Variants in OSBPL10 observed in about 807,000 individuals in gnomAD.
OSBPL10 encodes the protein oxysterol-binding protein-related protein 10.
In OSBPL10, 49 loss-of-function variants were observed where a neutral mutation model predicts 81.7. The observed-to-expected ratio is 0.60, with a 90% CI of 0.48 to 0.76. The LOEUF is 0.76. Ranked by LOEUF, OSBPL10 falls within the 30% of genes least tolerant of loss-of-function variation. OSBPL10 has a pLI of 0.00. For synonymous variants in OSBPL10, 419 were observed against 383.6 expected (o/e 1.09, Z -1.08); for missense variants, 923 against 987.8 (o/e 0.93, Z 0.88).
In OSBPL10 at chr3:32,026,057, T is replaced by TAGATAGATGATTGATA. The variant is rs58717718; in HGVS notation, n.298+20433_298+20434insTATCAATCATCTATCT. ...ATAGATAGATAGATAGATAGATAGA[T>TAGATAGATGATTGATA]GATAGATAGATAGATAGATAGATAG... On this transcript the variant is annotated intron_variant and non_coding_transcript_variant, in intron 2 of 3. Coordinates refer to the OSBPL10 transcript ENST00000479173. 1.2e-3 allele frequency among the ~76,000 whole-genome samples: 134 copies of TAGATAGATGATTGATA among 111,340 alleles called. No homozygotes were observed. The East Asian group carries it at 0.021, about 17-fold the overall frequency. 73.0% of individuals were successfully genotyped at this position (111,340 alleles called of 152,430 possible).
chr3:31,803,668 T>C lies in OSBPL10; in HGVS notation c.729+26372A>G, dbSNP rs1356950997. On this transcript the variant is annotated intron_variant, in intron 4 of 11. Transcript: ENST00000396556. ...CAGACCTTGTTTTCAGTTTTCCCAC[T>C]AATAGCTTTTTTTTCTGGTCCAAGA... Among the ~76,000 whole-genome samples the C allele has an allele frequency of 3.3e-5, 5 of 152,194 alleles. No individual in the cohort carries two copies. In the East Asian group the frequency reaches 9.6e-4, roughly 29 times the overall value.
chr3:31,722,534 T>C (rs1018955079), intron 6 of OSBPL10, among the ~76,000 whole-genome samples: 16 of 152,178 alleles, frequency 1.1e-4, no homozygotes, highest in Non-Finnish European at 2.2e-4. Flanking sequence ...AAAAGCCAGG[T>C]AAACATAAGT....
At chr3:31,911,607 G>A (rs1278325222) in intron 1 of OSBPL10, among the ~76,000 whole-genome samples, 1 of 150,854 alleles carries the variant, frequency 6.6e-6, no homozygotes, top group Non-Finnish European at 1.5e-5. Flanking sequence ...AATAGCTGAT[G>A]GACTTTAAAA....
intron 2 of OSBPL10, among the ~76,000 whole-genome samples, chr3:31,878,815 ATGTGTGTGTGTG>A (rs59233088): frequency 1.3e-3 from 183 of 136,438 alleles, no homozygotes; most frequent in Middle Eastern, 3.7e-3. Flanking sequence ...CTGCGTGTCC[ATGTGTGTGTGTG>A]TGTGTGTGTG....
intron 3 of OSBPL10, among the ~76,000 whole-genome samples, chr3:31,858,734 T>C (rs1455598015): frequency 6.6e-6 from 1 of 152,202 alleles, no homozygotes; most frequent in Non-Finnish European, 1.5e-5. Context: ...CAAAACCAGA[T>C]GCACAATGTG....
intron 5 of OSBPL10, among the ~76,000 whole-genome samples, chr3:31,746,094 C>T (rs758618121): frequency 9.9e-5 from 15 of 152,216 alleles, no homozygotes; most frequent in Non-Finnish European, 1.6e-4. Context: ...TTACCTTTAT[C>T]TTAATCTTCA....
In OSBPL10 at chr3:32,065,944, G is replaced by GAAGAAAGAAAGA. The variant is rs774799990; in HGVS notation, n.185+11440_185+11451dup. Among the ~76,000 whole-genome samples the GAAGAAAGAAAGA allele has an allele frequency of 5.9e-3, 211 of 35,924 alleles. 31 individuals are homozygous for GAAGAAAGAAAGA. Among genetic ancestry groups the GAAGAAAGAAAGA allele is most frequent in the Middle Eastern group, 0.015 (1 of 68 alleles). The allele number at this position is 35,924 out of a possible 152,430, so 23.6% of individuals were successfully genotyped here. A position where few individuals can be genotyped will look rare whatever the true frequency, so the allele number is the denominator to read the frequency against. On this transcript the variant is annotated intron_variant and non_coding_transcript_variant, in intron 1 of 3. Coordinates refer to the OSBPL10 transcript ENST00000479173. ...AAGAAAGAAAGAAGGAAAGAAGAAA[G>GAAGAAAGAAAGA]AAGAAAGAAAGAAAGAAAGAAAGAA...
At chr3:31,663,001 T>C in intron 11 of OSBPL10, 1 of 985,434 alleles carries the variant, frequency 1.0e-6, no homozygotes, top group East Asian at 1.1e-4. Flanking sequence ...GAAATCTCCT[T>C]CAGTCCACAG....
intron 1 of OSBPL10, among the ~76,000 whole-genome samples, chr3:31,903,960 A>G (rs1696330819): frequency 6.6e-6 from 1 of 152,156 alleles, no homozygotes; most frequent in African/African-American, 2.4e-5. Context: ...GTTTCCAGGA[A>G]TCACCTCCTC....
intron 1 of OSBPL10, among the ~76,000 whole-genome samples, chr3:31,965,459 T>G (rs796492070): frequency 0.031 from 2,164 of 69,874 alleles, 178 homozygotes; most frequent in East Asian, 0.19. Context: ...TAATATATAA[T>G]TTATATAATA....
intron 7 of OSBPL10, among the ~76,000 whole-genome samples, chr3:31,684,597 C>A (rs1700743978): frequency 6.6e-6 from 1 of 152,150 alleles, no homozygotes; most frequent in South Asian, 2.1e-4. Context: ...CCAGGCAGAC[C>A]AGGACCCACC....
At chr3:31,983,946 T>G (rs1174152755), upstream of OSBPL10, among the ~76,000 whole-genome samples, 4 of 152,148 alleles carry the variant, frequency 2.6e-5, no homozygotes, top group Non-Finnish European at 5.9e-5. Flanking sequence ...GTTTAACAAT[T>G]GTAGGGCCAG....
intron 4 of OSBPL10, among the ~76,000 whole-genome samples, chr3:31,797,512 T>C (rs1225549371): frequency 6.6e-6 from 1 of 152,082 alleles, no homozygotes; most frequent in Non-Finnish European, 1.5e-5. Context: ...CCCAATGCAA[T>C]CGCCTCATGC....
At chr3:31,935,558 T>C (rs911402830) in intron 1 of OSBPL10, among the ~76,000 whole-genome samples, 1 of 151,796 alleles carries the variant, frequency 6.6e-6, no homozygotes, top group African/African-American at 2.4e-5. Flanking sequence ...AGTCTCACTC[T>C]TTTCGCCCAG....
chr3:31,819,521 T>C (rs1019619255), intron 4 of OSBPL10, among the ~76,000 whole-genome samples: 2 of 152,166 alleles, frequency 1.3e-5, no homozygotes, highest in Non-Finnish European at 2.9e-5. Flanking sequence ...CGAGTCCTCA[T>C]TGGGGTACTG....
At chr3:32,067,622 CT>C (rs976984931) in intron 1 of OSBPL10, among the ~76,000 whole-genome samples, 1 of 152,184 alleles carries the variant, frequency 6.6e-6, no homozygotes, top group Non-Finnish European at 1.5e-5. Context: ...CCCACCCTAA[CT>C]GATCAATGTA....
At chr3:31,875,082 T>TAAAAAAA (rs555527834) in intron 3 of OSBPL10, among the ~76,000 whole-genome samples, 9 of 103,058 alleles carry the variant, frequency 8.7e-5, no homozygotes, top group East Asian at 2.5e-4. Flanking sequence ...ATATATTAAG[T>TAAAAAAA]AAAAAAAAAA....
chr3:31,867,793 G>A (rs1489074872), intron 3 of OSBPL10, among the ~76,000 whole-genome samples: 3 of 151,972 alleles, frequency 2.0e-5, no homozygotes, highest in East Asian at 1.9e-4. Flanking sequence ...GAGGGAAACA[G>A]ACAGACAGAA....
At chr3:31,815,514 AG>A (rs1189547497) in intron 4 of OSBPL10, among the ~76,000 whole-genome samples, 1 of 152,206 alleles carries the variant, frequency 6.6e-6, no homozygotes, top group Admixed American at 6.5e-5. Flanking sequence ...TGGTCCTGGC[AG>A]GGGGGCAGAG....
Sources: allele counts gnomAD v4.1 joint callset (sites outside exome capture counted in the v4.1 genomes callset), GRCh38; gene constraint gnomAD v4.1.1; transcripts MANE v1.5; gene names NCBI Gene and HGNC (gene_info 2026-07-23, HGNC 2026-07-21).